MAST2: variants seen among roughly 807,000 people sequenced by gnomAD.
MAST2 encodes microtubule-associated serine/threonine-protein kinase 2.
Under a neutral mutation model 147.4 loss-of-function variants are expected in MAST2, and 70 were observed. The ratio of observed to expected loss-of-function variants is 0.47; its 90% CI spans 0.39 to 0.58. The LOEUF (loss-of-function observed/expected upper bound fraction) is 0.58. Ranked by LOEUF, MAST2 falls within the 20% of genes least tolerant of loss-of-function variation. MAST2 has a pLI of 0.00. For synonymous variants in MAST2, 869 were observed against 896.8 expected (o/e 0.97, Z 0.55); for missense variants, 2,080 against 2,302.3 (o/e 0.90, Z 1.98).
chr1:45,826,141 C>G (rs553624288), intron 2 of MAST2, among the ~76,000 whole-genome samples: 6 of 152,228 alleles, frequency 3.9e-5, no homozygotes, highest in African/African-American at 1.4e-4. Flanking sequence ...ATCTAACAAC[C>G]AGAATATTCA....
At chr1:46,030,429 G>A in intron 21 of MAST2, 178 bp from the exon 22 acceptor site, 1 of 844,144 alleles carries the variant, frequency 1.2e-6, no homozygotes, top group Non-Finnish European at 1.8e-6. Flanking sequence ...TCCCTGACAT[G>A]AGATGCCAGG....
At chr1:46,004,717 C>T (rs1015120665) in intron 7 of MAST2, among the ~76,000 whole-genome samples, 1 of 152,314 alleles carries the variant, frequency 6.6e-6, no homozygotes, top group South Asian at 2.1e-4. Flanking sequence ...GCTGATTTCT[C>T]ACTTGTTTAT....
chr1:45,817,441 A>G (rs1443354613), intron 1 of MAST2, among the ~76,000 whole-genome samples: 1 of 152,210 alleles, frequency 6.6e-6, no homozygotes, highest in Admixed American at 6.5e-5. Context: ...TAAAGTGCTG[A>G]AGGAAAAAAC....
chr1:45,912,359 A>G (rs577606600), intron 4 of MAST2, among the ~76,000 whole-genome samples: 1 of 152,358 alleles, frequency 6.6e-6, no homozygotes, highest in Admixed American at 6.5e-5. Context: ...TGGATGTCAT[A>G]AACACACATT....
intron 3 of MAST2, among the ~76,000 whole-genome samples, chr1:45,878,343 T>C (rs1318614484): frequency 6.6e-6 from 1 of 152,156 alleles, no homozygotes; most frequent in Non-Finnish European, 1.5e-5. Context: ...GAGAAAGTAT[T>C]TGACATAATC....
chr1:45,946,305 G>A (rs1290970544), intron 4 of MAST2, among the ~76,000 whole-genome samples: 1 of 152,144 alleles, frequency 6.6e-6, no homozygotes, highest in African/African-American at 2.4e-5. Flanking sequence ...TTACTAAGGT[G>A]TGGTGGAAAA....
chr1:45,839,222 G>A (rs1055339078), intron 3 of MAST2, among the ~76,000 whole-genome samples: 4 of 149,760 alleles, frequency 2.7e-5, no homozygotes, highest in African/African-American at 5.0e-5. Context: ...TCCGCCTCCC[G>A]GGTTCAAGTG....
At chr1:45,984,305 T>A (rs944821737) in intron 5 of MAST2, among the ~76,000 whole-genome samples, 3 of 151,410 alleles carry the variant, frequency 2.0e-5, no homozygotes, top group African/African-American at 7.3e-5. Flanking sequence ...ATTTAATTTT[T>A]AATTTTTTTT....
chr1:45,911,187 A>G (rs534725506), intron 4 of MAST2, among the ~76,000 whole-genome samples: 1 of 152,304 alleles, frequency 6.6e-6, no homozygotes, highest in Non-Finnish European at 1.5e-5. Flanking sequence ...GGGAAATGTT[A>G]GGCCTTCCTA....
chr1:46,035,875 A>C lies in MAST2; in HGVS notation c.5206A>C (p.Lys1736Gln), dbSNP rs1467149143. 6.2e-7 allele frequency: 1 copy of C among 1,614,064 alleles called. No homozygotes were observed. The highest frequency in any genetic ancestry group is 1.7e-5 in the Admixed American group (1 of 60,018). Residue 1736 changes from lysine (K) to glutamine (Q), a missense_variant, in exon 29 of 29, where the codon AAA becomes CAA. By Grantham distance (53) the Lys-to-Gln change is moderately conservative (BLOSUM62 1). Coordinates refer to ENST00000361297, the MANE Select transcript of MAST2 (RefSeq NM_015112.3). The surrounding 1 kb of genome is among the most constrained non-coding windows in gnomAD (Gnocchi z 5.5). Reference sequence around the variant, plus strand: ...GGAGTCTGAGTGTGCACAAGCAGTGAAAGAGGATCCAGCCCTGAGCATCAC... The same window carrying C: ...GGAGTCTGAGTGTGCACAAGCAGTGCAAGAGGATCCAGCCCTGAGCATCAC... ...LWESECAQAVKEDPALSITQV... is the reference protein window; with the variant it reads ...LWESECAQAVQEDPALSITQV...
chr1:45,965,512 T>G (rs1661057004), intron 5 of MAST2, among the ~76,000 whole-genome samples: 1 of 152,158 alleles, frequency 6.6e-6, no homozygotes, highest in Admixed American at 6.5e-5. Flanking sequence ...CTTTGTTGGT[T>G]TAAAGTCTGT....
At chr1:45,899,303 T>TTTTG in intron 4 of MAST2, among the ~76,000 whole-genome samples, 1 of 108,328 alleles carries the variant, frequency 9.2e-6, no homozygotes, top group Admixed American at 1.2e-4. Flanking sequence ...TTTTCCTTTC[T>TTTTG]TTTCTTTTTT....
At chr1:45,912,076 A>G (rs1205564128) in intron 4 of MAST2, among the ~76,000 whole-genome samples, 1 of 151,874 alleles carries the variant, frequency 6.6e-6, no homozygotes, top group Non-Finnish European at 1.5e-5. Context: ...ACTTGTTGAG[A>G]ACTGTTAGAT....
chr1:45,811,413 A>G (rs1367695783), intron 1 of MAST2, among the ~76,000 whole-genome samples: 1 of 143,116 alleles, frequency 7.0e-6, no homozygotes, highest in Non-Finnish European at 1.5e-5. Flanking sequence ...ATCTCGGCTC[A>G]CTGCAAGCTC....
At chr1:46,032,823 C>T in intron 26 of MAST2, 105 bp downstream of exon 26, 1 of 1,452,472 alleles carries the variant, frequency 6.9e-7, no homozygotes, top group Non-Finnish European at 9.4e-7. Flanking sequence ...CACATCTACA[C>T]CGAGTATGGA....
At chr1:45,902,671 G>A (rs1255573471) in intron 4 of MAST2, among the ~76,000 whole-genome samples, 1 of 151,652 alleles carries the variant, frequency 6.6e-6, no homozygotes, top group Non-Finnish European at 1.5e-5. Context: ...CTCATTATTG[G>A]TCTGTTCAGG....
intron 1 of MAST2, among the ~76,000 whole-genome samples, chr1:45,809,301 G>A (rs771918910): frequency 6.6e-6 from 1 of 152,092 alleles, no homozygotes; most frequent in Non-Finnish European, 1.5e-5. Context: ...CTCTGCTTCC[G>A]CATATTAAAA....
intron 1 of MAST2, 73 bp downstream of exon 1, chr1:45,804,145 C>A (rs535432470): frequency 3.9e-6 from 5 of 1,268,640 alleles, no homozygotes; most frequent in East Asian, 3.2e-5. Context: ...GGCGGGAGGA[C>A]CCGGGCTGGA....
At chr1:45,821,923 C>G (rs1020937507) in intron 1 of MAST2, among the ~76,000 whole-genome samples, 2 of 112,762 alleles carry the variant, frequency 1.8e-5, no homozygotes, top group African/African-American at 7.1e-5. Context: ...GAGTGTTGCT[C>G]TGTCACCCAG....
Sources: gnomAD v4.1 joint callset for allele counts (sites outside exome capture counted in the v4.1 genomes callset) on GRCh38, gnomAD v4.1.1 for gene constraint, Gnocchi (gnomAD v3.1) non-coding constraint, MANE v1.5 for transcripts, NCBI Gene and HGNC (gene_info 2026-07-23, HGNC 2026-07-21) for gene names.